Variants in ASAP2 observed in about 807,000 individuals in gnomAD.
ASAP2 encodes ArfGAP with SH3 domain, ankyrin repeat and PH domain 2.
A neutral mutation model predicts 131.4 loss-of-function variants in ASAP2; 45 were observed. The ratio of observed to expected loss-of-function variants is 0.34; its 90% confidence interval spans 0.27 to 0.44. ASAP2 has a LOEUF of 0.44. Among genes scored for constraint, ASAP2 ranks in the 20% least tolerant of loss-of-function variants. The pLI is 1.00. For synonymous variants in ASAP2, 510 were observed against 503.0 expected, an observed-to-expected ratio of 1.01 and a Z score of -0.19; for missense variants, 1,011 against 1,297.0, an observed-to-expected ratio of 0.78 and a Z score of 3.39.
At chr2:9,264,826 C>A (rs1301323666) in intron 1 of ASAP2, among the ~76,000 whole-genome samples, 4 of 152,080 alleles carry the variant, frequency 2.6e-5, no homozygotes, top group African/African-American at 9.7e-5. Flanking sequence ...CCAATAAAAA[C>A]TAATACAGCA....
At chr2:9,292,590 C>A (rs543212170) in intron 2 of ASAP2, among the ~76,000 whole-genome samples, 2 of 152,126 alleles carry the variant, frequency 1.3e-5, no homozygotes, top group Non-Finnish European at 2.9e-5. Context: ...CCCTGGTATT[C>A]CCCTGGGGCT....
chr2:9,219,693 GATAGAATTCACATACC>G (rs1226250818), intron 1 of ASAP2, among the ~76,000 whole-genome samples: 5 of 152,074 alleles, frequency 3.3e-5, no homozygotes, highest in Non-Finnish European at 5.9e-5. Flanking sequence ...AAAAAATTGA[GATAGAATTCACATACC>G]ATAGAATTCA....
intron 11 of ASAP2, among the ~76,000 whole-genome samples, chr2:9,349,008 C>T (rs1356691637): frequency 6.6e-6 from 1 of 152,178 alleles, no homozygotes; most frequent in East Asian, 1.9e-4. Context: ...AGCTGTATAA[C>T]CTCAACCAGA....
At chr2:9,255,138 T>C (rs1665069927) in intron 1 of ASAP2, among the ~76,000 whole-genome samples, 1 of 152,192 alleles carries the variant, frequency 6.6e-6, no homozygotes, top group South Asian at 2.1e-4. Context: ...CTTATTGTGG[T>C]TTAATTTATA....
intron 1 of ASAP2, among the ~76,000 whole-genome samples, chr2:9,270,208 G>A (rs1379257869): frequency 6.6e-6 from 1 of 152,086 alleles, no homozygotes; most frequent in Non-Finnish European, 1.5e-5. Flanking sequence ...CCTGTCTTGG[G>A]GTCTCTTCGG....
At chr2:9,343,948 C>T (rs1052370440) in intron 9 of ASAP2, among the ~76,000 whole-genome samples, 2 of 152,060 alleles carry the variant, frequency 1.3e-5, no homozygotes, top group African/African-American at 4.8e-5. Context: ...CAGGGTCAGA[C>T]CCCCCTTACT....
chr2:9,359,446 G>A (rs766690433), intron 15 of ASAP2, among the ~76,000 whole-genome samples: 9 of 152,218 alleles, frequency 5.9e-5, no homozygotes, highest in Non-Finnish European at 1.0e-4. Flanking sequence ...AGCATTTTCT[G>A]TGAAGTGGCT....
At chr2:9,320,509 T>G (rs897305986) in intron 5 of ASAP2, among the ~76,000 whole-genome samples, 172 bp downstream of exon 5, 23 of 152,170 alleles carry the variant, frequency 1.5e-4, no homozygotes, top group African/African-American at 5.3e-4. Flanking sequence ...TGATGCTGTC[T>G]TCTTCTTCTA....
chr2:9,293,955 T>C (rs943881044), intron 2 of ASAP2, among the ~76,000 whole-genome samples: 1 of 151,772 alleles, frequency 6.6e-6, no homozygotes, highest in African/African-American at 2.4e-5. Context: ...TTGGGGTTGC[T>C]GGGGATCAAT....
At chr2:9,238,020 C>T (rs918684397) in intron 1 of ASAP2, among the ~76,000 whole-genome samples, 1 of 152,044 alleles carries the variant, frequency 6.6e-6, no homozygotes, top group Non-Finnish European at 1.5e-5. Context: ...CATGTGTGGA[C>T]TGGGGTTTCC....
intron 1 of ASAP2, among the ~76,000 whole-genome samples, chr2:9,210,077 G>A (rs1156469694): frequency 2.0e-5 from 3 of 152,174 alleles, no homozygotes; most frequent in Non-Finnish European, 2.9e-5. Flanking sequence ...CTTTATAGGC[G>A]AGGAAATTGA....
intron 1 of ASAP2, among the ~76,000 whole-genome samples, chr2:9,250,191 G>A (rs1313156844): frequency 6.6e-6 from 1 of 152,108 alleles, no homozygotes; most frequent in Non-Finnish European, 1.5e-5. Context: ...CATTTAACAC[G>A]CTGCCTGACA....
chr2:9,358,759 C>G lies in ASAP2; in HGVS notation c.1331C>G (p.Pro444Arg), dbSNP rs1346332095. ...DVCCDCGAPD[P>R]TWLSTNLGIL... ...TCTGCCCTGTTCTCTTTGGCAGATC[C>G]TACATGGCTTTCCACCAACCTGGGC... is the stretch of plus-strand genomic sequence containing the variant. Residue 444 changes from proline (P) to arginine (R), a missense_variant, in exon 15 of 28, where the codon CCT becomes CGT. Coordinates refer to ENST00000281419, the MANE Select transcript of ASAP2 (RefSeq NM_003887.3). The G allele has an allele frequency of 1.2e-6, 2 of 1,612,622 alleles. No homozygotes were observed. The highest frequency in any genetic ancestry group is 1.7e-6 in the Non-Finnish European group (2 of 1,179,696).
rs140669638 is a variant in ASAP2 at position 9,350,846 on chromosome 2, C to T, written c.1062C>T (p.Cys354=). The change falls in exon 12 of 28, where the codon TGC becomes TGT. Residue 354 remains cysteine (C), a synonymous_variant. Transcript: ENST00000281419. ...RPPAKLNLLT[C]QVKTNPEEKK... is the part of the protein sequence containing the mutation. ...CTGCAAAGCTCAACCTGCTAACCTG[C>T]CAGGTGAAGACCAACCCTGAGGAGA... 1 of 1,613,456 alleles carries T rather than the reference C, an allele frequency of 6.2e-7. No homozygotes were observed. Among genetic ancestry groups the T allele is most frequent in the Non-Finnish European group, 8.5e-7 (1 of 1,179,670 alleles).
intron 1 of ASAP2, among the ~76,000 whole-genome samples, chr2:9,269,195 TG>T (rs1174298308): frequency 6.6e-6 from 1 of 151,072 alleles, no homozygotes; most frequent in Non-Finnish European, 1.5e-5. Context: ...AAAATAATAA[TG>T]GAGTACAATT....
intron 2 of ASAP2, among the ~76,000 whole-genome samples, chr2:9,291,307 CA>C (rs1558301686): frequency 1.3e-5 from 2 of 152,124 alleles, no homozygotes; most frequent in Non-Finnish European, 2.9e-5. Flanking sequence ...AATATGTTTT[CA>C]GCCGTTTAGT....
At chr2:9,338,664 C>T (rs1671382156) in intron 9 of ASAP2, among the ~76,000 whole-genome samples, 1 of 152,194 alleles carries the variant, frequency 6.6e-6, no homozygotes, top group Non-Finnish European at 1.5e-5. Context: ...TAAGCCAGCA[C>T]TCCACAAACA....
At chr2:9,272,028 A>C (rs1666437305) in intron 1 of ASAP2, among the ~76,000 whole-genome samples, 1 of 152,128 alleles carries the variant, frequency 6.6e-6, no homozygotes, top group Non-Finnish European at 1.5e-5. Flanking sequence ...ACGGGAGAGC[A>C]GGTACCTCTT....
chr2:9,277,700 G>A (rs1337532807), intron 1 of ASAP2, among the ~76,000 whole-genome samples: 1 of 152,138 alleles, frequency 6.6e-6, no homozygotes, highest in Non-Finnish European at 1.5e-5. Flanking sequence ...TCAGTGAACC[G>A]ACAGGGACAC....
Sources: allele counts gnomAD v4.1 joint callset (sites outside exome capture counted in the v4.1 genomes callset), GRCh38; gene constraint gnomAD v4.1.1; transcripts MANE v1.5; gene names NCBI Gene and HGNC (gene_info 2026-07-23, HGNC 2026-07-21).